CHST11: variants seen among roughly 807,000 people sequenced by gnomAD.
CHST11 encodes C4S-1.
In CHST11, 9 loss-of-function variants were observed where a neutral mutation model predicts 30.4. The observed-to-expected ratio is 0.30, with a 90% CI of 0.18 to 0.52. The LOEUF (loss-of-function observed/expected upper bound fraction) is 0.52, where lower values mean the gene tolerates loss of function less well. CHST11 is among the 20% of genes least tolerant of loss of function. The pLI, the probability that CHST11 is intolerant of heterozygous loss-of-function variation, is 0.97. For synonymous variants in CHST11, 152 were observed against 187.8 expected, an observed-to-expected ratio of 0.81 and a Z score of 1.56; for missense variants, 348 against 460.6, an observed-to-expected ratio of 0.76 and a Z score of 2.24.
At chr12:104,502,652 C>T (rs959183651) in intron 1 of CHST11, among the ~76,000 whole-genome samples, 1 of 152,170 alleles carries the variant, frequency 6.6e-6, no homozygotes, top group South Asian at 2.1e-4. Context: ...AGCTGATCTA[C>T]GTTCCAAGGA....
intron 2 of CHST11, among the ~76,000 whole-genome samples, chr12:104,629,914 C>T (rs1457917511): frequency 6.6e-6 from 1 of 152,178 alleles, no homozygotes; most frequent in African/African-American, 2.4e-5. Context: ...AGAATACCAA[C>T]ATTAGCCTAC....
At chr12:104,624,935 A>G (rs889552156) in intron 2 of CHST11, among the ~76,000 whole-genome samples, 8 of 152,158 alleles carry the variant, frequency 5.3e-5, no homozygotes, top group Non-Finnish European at 1.0e-4. Flanking sequence ...TTCTCTTCTT[A>G]TAAGGACACG....
intron 1 of CHST11, among the ~76,000 whole-genome samples, chr12:104,594,501 A>C (rs1377850719): frequency 2.0e-5 from 3 of 152,176 alleles, no homozygotes; most frequent in Non-Finnish European, 4.4e-5. Context: ...GTCTAAGCCA[A>C]ACTGTGATGT....
intron 1 of CHST11, among the ~76,000 whole-genome samples, chr12:104,463,086 T>A (rs1239397102): frequency 6.6e-6 from 1 of 152,164 alleles, no homozygotes; most frequent in African/African-American, 2.4e-5. Flanking sequence ...CATAGCTTTA[T>A]CAGCACAGTC....
chr12:104,527,880 G>A (rs368606590), intron 1 of CHST11, among the ~76,000 whole-genome samples: 6 of 152,168 alleles, frequency 3.9e-5, no homozygotes, highest in African/African-American at 1.4e-4. Context: ...GTCTTACATG[G>A]CAGCAGGAGA....
intron 1 of CHST11, among the ~76,000 whole-genome samples, chr12:104,520,847 C>T (rs555394831): frequency 6.6e-6 from 1 of 152,164 alleles, no homozygotes; most frequent in African/African-American, 2.4e-5. Flanking sequence ...TGCAGCCACC[C>T]CTTCTGTTCT....
At chr12:104,636,213 G>C (rs1391462222) in intron 2 of CHST11, among the ~76,000 whole-genome samples, 1 of 152,166 alleles carries the variant, frequency 6.6e-6, no homozygotes, top group Non-Finnish European at 1.5e-5. Flanking sequence ...GTGTTGTTCA[G>C]TGTCCTCAGA....
At chr12:104,730,033 G>C (rs2040244729) in intron 2 of CHST11, among the ~76,000 whole-genome samples, 1 of 152,218 alleles carries the variant, frequency 6.6e-6, no homozygotes, top group African/African-American at 2.4e-5. Flanking sequence ...CCTCTGACCT[G>C]TCAGACTGGC....
intron 1 of CHST11, among the ~76,000 whole-genome samples, chr12:104,589,695 C>G (rs901347988): frequency 6.6e-6 from 1 of 152,198 alleles, no homozygotes; most frequent in African/African-American, 2.4e-5. Context: ...GGTTTGACTA[C>G]AGAATCAAAT....
At chr12:104,647,687 C>T (rs1433869070) in intron 2 of CHST11, among the ~76,000 whole-genome samples, 1 of 152,112 alleles carries the variant, frequency 6.6e-6, no homozygotes, top group East Asian at 1.9e-4. Flanking sequence ...TATGCTCTAT[C>T]CCCCCAAAAG....
At chr12:104,595,322 A>C (rs752286035) in intron 1 of CHST11, among the ~76,000 whole-genome samples, 1 of 152,062 alleles carries the variant, frequency 6.6e-6, no homozygotes, top group East Asian at 1.9e-4. Context: ...CCAGGTAGAG[A>C]TTGTTCTCAC....
chr12:104,602,090 C>A, intron 2 of CHST11, 99 bp downstream of exon 2: 1 of 799,442 alleles, frequency 1.3e-6, no homozygotes, highest in Non-Finnish European at 2.1e-6. Flanking sequence ...TTTAAAACTT[C>A]CTTTCACAGC....
intron 2 of CHST11, among the ~76,000 whole-genome samples, chr12:104,702,090 T>C (rs2039994307): frequency 1.3e-5 from 2 of 152,016 alleles, no homozygotes; most frequent in African/African-American, 2.4e-5. Context: ...GCCGAGAGAC[T>C]CTGCTCTATG....
intron 2 of CHST11, among the ~76,000 whole-genome samples, chr12:104,705,957 A>G (rs1015099246): frequency 1.3e-5 from 2 of 152,082 alleles, no homozygotes; most frequent in African/African-American, 4.8e-5. Flanking sequence ...ATGGTGGAAC[A>G]TGCATGTAGT....
At chr12:104,590,038 T>A (rs1169507227) in intron 1 of CHST11, among the ~76,000 whole-genome samples, 4 of 151,156 alleles carry the variant, frequency 2.6e-5, no homozygotes, top group Non-Finnish European at 4.4e-5. Context: ...AATAAATAAA[T>A]GAAGATGCCT....
chr12:104,740,739 T>C (rs2040339561), intron 2 of CHST11, among the ~76,000 whole-genome samples: 1 of 152,236 alleles, frequency 6.6e-6, no homozygotes, highest in Non-Finnish European at 1.5e-5. Context: ...CTTATTCACC[T>C]CTGGGCCCCG....
chr12:104,637,693 C>A (rs1321749356), intron 2 of CHST11, among the ~76,000 whole-genome samples: 1 of 152,336 alleles, frequency 6.6e-6, no homozygotes, highest in South Asian at 2.1e-4. Context: ...CTTCCCTGTT[C>A]CCCACTGAGA....
chr12:104,731,409 G>T (rs1007351726), intron 2 of CHST11, among the ~76,000 whole-genome samples: 8 of 152,226 alleles, frequency 5.3e-5, no homozygotes, highest in Admixed American at 3.3e-4. Context: ...ATGCTGCTGA[G>T]ACCTAAGAGA....
At chr12:104,628,924 C>T (rs2039245053) in intron 2 of CHST11, among the ~76,000 whole-genome samples, 1 of 152,192 alleles carries the variant, frequency 6.6e-6, no homozygotes, top group African/African-American at 2.4e-5. Flanking sequence ...CGCTGGCTGC[C>T]TCTGTGCTGG....
Sources: gnomAD v4.1 joint callset for allele counts (sites outside exome capture counted in the v4.1 genomes callset) on GRCh38, gnomAD v4.1.1 for gene constraint, MANE v1.5 for transcripts, NCBI Gene and HGNC (gene_info 2026-07-23, HGNC 2026-07-21) for gene names.